Variants in AGBL1 observed in about 807,000 individuals in gnomAD.
AGBL1 encodes cytosolic carboxypeptidase 4.
Under a neutral mutation model 118.9 loss-of-function variants are expected in AGBL1, and 130 were observed. That is an observed-to-expected ratio of 1.09 (90% confidence interval 0.95 to 1.26). The LOEUF is 1.26. Among genes scored for constraint, AGBL1 ranks in the 50% most tolerant of loss-of-function variants. The probability of loss-of-function intolerance (pLI) is 0.00; values close to 1 mark genes in which losing one functional copy is unlikely to be tolerated. For synonymous variants in AGBL1, 555 were observed against 478.9 expected (o/e 1.16, Z -2.08); for missense variants, 1,584 against 1,298.1 (o/e 1.22, Z -3.38).
chr15:86,893,852 C>T (rs1031371854), intron 22 of AGBL1, among the ~76,000 whole-genome samples: 3 of 152,158 alleles, frequency 2.0e-5, no homozygotes, highest in African/African-American at 7.2e-5. Flanking sequence ...AGGTTTTATG[C>T]TATGGCATTC....
chr15:86,526,850 G>A (rs759218319), intron 19 of AGBL1, among the ~76,000 whole-genome samples: 34 of 152,018 alleles, frequency 2.2e-4, no homozygotes, highest in Non-Finnish European at 4.3e-4. Context: ...TGGAGAAACA[G>A]AAGGGGGTTG....
chr15:86,586,235 G>A lies in AGBL1; in HGVS notation c.2994+31698G>A, dbSNP rs191141497. On this transcript the variant is annotated intron_variant, in intron 21 of 22. Transcript: ENST00000614907. Reference sequence around the variant, plus strand: ...CTAGCCTGTAATTCTAAGTTATCTAGACAAGGTACTAGGGACACCTGAAAA... The same window carrying A: ...CTAGCCTGTAATTCTAAGTTATCTAAACAAGGTACTAGGGACACCTGAAAA... Among the ~76,000 whole-genome samples, 212 of 152,248 alleles carry A rather than the reference G, an allele frequency of 1.4e-3. 1 individual carries two copies. Among genetic ancestry groups the A allele is most frequent in the South Asian group, 3.5e-3 (17 of 4,826 alleles).
intron 21 of AGBL1, among the ~76,000 whole-genome samples, chr15:86,655,661 G>T (rs551249134): frequency 6.6e-6 from 1 of 152,156 alleles, no homozygotes; most frequent in Admixed American, 6.6e-5. Context: ...ACTAGAAATT[G>T]CCCTGGTGTG....
At chr15:86,325,923 C>T (rs2080176835) in intron 17 of AGBL1, among the ~76,000 whole-genome samples, 1 of 152,190 alleles carries the variant, frequency 6.6e-6, no homozygotes, top group South Asian at 2.1e-4. Flanking sequence ...AGTAGCTGCT[C>T]TCTTCTTCAG....
chr15:86,123,674 C>G (rs1232654941), intron 1 of AGBL1, among the ~76,000 whole-genome samples: 1 of 152,186 alleles, frequency 6.6e-6, no homozygotes, highest in Admixed American at 6.5e-5. Context: ...TTCTAGTTGT[C>G]TCACCTTTCT....
chr15:86,306,602 G>A (rs2079845395), intron 17 of AGBL1, among the ~76,000 whole-genome samples: 2 of 152,040 alleles, frequency 1.3e-5, no homozygotes, highest in South Asian at 4.1e-4. Flanking sequence ...CTTAGCTATT[G>A]TAAAAACAGT....
chr15:86,683,407 G>A (rs1290777972), intron 22 of AGBL1, among the ~76,000 whole-genome samples: 1 of 152,156 alleles, frequency 6.6e-6, no homozygotes, highest in Non-Finnish European at 1.5e-5. Flanking sequence ...ATGCCAAGGA[G>A]TGAAAGTACA....
intron 22 of AGBL1, among the ~76,000 whole-genome samples, chr15:86,803,345 T>G (rs1271004034): frequency 6.6e-6 from 1 of 152,160 alleles, no homozygotes; most frequent in African/African-American, 2.4e-5. Context: ...AAGAAAGTCC[T>G]TGCTTCCCCT....
At position 86,599,234 on chromosome 15, in the gene AGBL1, C is replaced by A. The variant is rs977737837; in HGVS notation, c.2994+44697C>A. On this transcript the variant is annotated intron_variant, in intron 21 of 22. Transcript: ENST00000614907. The stretch of plus-strand genomic sequence containing the variant: ...CACTTACTAGTATTATGTTGTTTTA[C>A]CTGCCATGAGAATATTCTATAGTCA... Among the ~76,000 whole-genome samples, 24 of 152,056 alleles carry A rather than the reference C, an allele frequency of 1.6e-4. 1 individual carries two copies. The highest frequency in any genetic ancestry group is 1.6e-3 in the Admixed American group (24 of 15,252).
At chr15:86,197,361 G>C (rs1050490639) in intron 5 of AGBL1, among the ~76,000 whole-genome samples, 2 of 152,212 alleles carry the variant, frequency 1.3e-5, no homozygotes, top group Admixed American at 1.3e-4. Flanking sequence ...AAGAACGTTG[G>C]TAGAAGTAAG....
Position 86,811,049 on chromosome 15 carries a change from AAGAG to A in AGBL1, c.3159-96034_3159-96031del, listed in dbSNP as rs553913494. 9.3e-4 allele frequency among the ~76,000 whole-genome samples: 142 copies of A among 152,326 alleles called. 2 individuals are homozygous for A. In the South Asian group the frequency reaches 0.027, roughly 28 times the overall value. ...ATGGATCAAGGAAGGTTATTAGAGAAAGAGAGAAGATGATGTACAAATATGTGGA... is the reference window on the plus strand; with the variant it reads ...ATGGATCAAGGAAGGTTATTAGAGAAAGAAGATGATGTACAAATATGTGGA... On this transcript the variant is annotated intron_variant, in intron 22 of 22. Transcript: ENST00000614907.
At chr15:86,265,897 T>C (rs1301163751) in intron 11 of AGBL1, among the ~76,000 whole-genome samples, 1 of 152,228 alleles carries the variant, frequency 6.6e-6, no homozygotes, top group East Asian at 1.9e-4. Flanking sequence ...TCTTAGAAGA[T>C]TGACCTTAGC....
intron 22 of AGBL1, among the ~76,000 whole-genome samples, chr15:86,840,569 C>T (rs548204490): frequency 6.6e-6 from 1 of 152,258 alleles, no homozygotes; most frequent in East Asian, 1.9e-4. Flanking sequence ...GCCTCACCTC[C>T]CGAGTAGCTG....
intron 21 of AGBL1, among the ~76,000 whole-genome samples, chr15:86,626,656 G>C (rs976216217): frequency 3.3e-5 from 5 of 150,606 alleles, no homozygotes; most frequent in Admixed American, 1.3e-4. Context: ...CTTAAAACTT[G>C]TTTTTTTTTA....
intron 21 of AGBL1, among the ~76,000 whole-genome samples, chr15:86,621,317 C>A (rs28451449): frequency 0.045 from 6,903 of 152,246 alleles, 360 homozygotes; most frequent in African/African-American, 0.13. Flanking sequence ...CTGCCGTTAC[C>A]AGCCCAAGAT....
intron 22 of AGBL1, among the ~76,000 whole-genome samples, chr15:86,843,422 A>T (rs1402548640): frequency 6.6e-6 from 1 of 152,132 alleles, no homozygotes; most frequent in Non-Finnish European, 1.5e-5. Context: ...TGGGTGTATG[A>T]AAAAGAGATA....
intron 22 of AGBL1, among the ~76,000 whole-genome samples, chr15:86,758,078 A>G (rs956879397): frequency 1.5e-4 from 23 of 152,090 alleles, no homozygotes; most frequent in Non-Finnish European, 2.1e-4. Flanking sequence ...GTCCAAGTCA[A>G]TGATCCCCAT....
intron 17 of AGBL1, among the ~76,000 whole-genome samples, chr15:86,300,770 CTTTCTT>C (rs1300304801): frequency 6.6e-6 from 1 of 152,088 alleles, no homozygotes; most frequent in Non-Finnish European, 1.5e-5. Context: ...TAAAGAATAA[CTTTCTT>C]TTTCTTTTTC....
intron 21 of AGBL1, among the ~76,000 whole-genome samples, chr15:86,635,017 A>C (rs965290835): frequency 6.6e-6 from 1 of 152,120 alleles, no homozygotes; most frequent in African/African-American, 2.4e-5. Flanking sequence ...AAAAATGAGG[A>C]CATTCTGCAT....
Sources: gnomAD v4.1 joint callset for allele counts (sites outside exome capture counted in the v4.1 genomes callset) on GRCh38, gnomAD v4.1.1 for gene constraint, MANE v1.5 for transcripts, NCBI Gene and HGNC (gene_info 2026-07-23, HGNC 2026-07-21) for gene names.